COL4A1: variants seen among roughly 807,000 people sequenced by gnomAD.
COL4A1 encodes collagen alpha-1(IV) chain.
A neutral mutation model predicts 216.6 loss-of-function variants in COL4A1; 40 were observed. The ratio of observed to expected loss-of-function variants is 0.18; its 90% CI spans 0.14 to 0.24. The LOEUF is 0.24. Among genes scored for constraint, COL4A1 ranks in the 10% least tolerant of loss-of-function variants. The pLI, the probability that COL4A1 is intolerant of heterozygous loss-of-function variation, is 1.00. For missense variants in COL4A1, 1,628 were observed against 2,196.8 expected (o/e 0.74, Z 5.18); for synonymous variants, 839 against 810.7 (o/e 1.03, Z -0.59).
chr13:110,270,438 G>A (rs1391045276), intron 1 of COL4A1, among the ~76,000 whole-genome samples: 2 of 152,208 alleles, frequency 1.3e-5, no homozygotes, highest in Non-Finnish European at 1.5e-5. Flanking sequence ...ATGCAAATGG[G>A]TAAGAAAAGG....
At position 110,162,293 on chromosome 13, in the gene COL4A1, G is replaced by C. The variant is rs11545878; in HGVS notation, c.4399C>G (p.Leu1467Val). 1.5e-5 allele frequency: 24 copies of C among 1,614,120 alleles called. No individual in the cohort carries two copies. The highest frequency in any genetic ancestry group is 1.9e-5 in the Non-Finnish European group (23 of 1,180,044). The change falls in exon 48 of 52, where the codon CTT becomes GTT. Residue 1467 changes from leucine (L) to valine (V), a missense_variant. Coordinates refer to ENST00000375820, the MANE Select transcript of COL4A1 (RefSeq NM_001845.6). ...DPQCPSGTKILYHGYSLLYVQ... is the reference protein window; with the variant it reads ...DPQCPSGTKIVYHGYSLLYVQ... ...TAGAGCAAAGAGTACCCGTGGTAAAGAATTTTGGTCCCAGAAGGACACTGT... is the reference window on the plus strand; with the variant it reads ...TAGAGCAAAGAGTACCCGTGGTAAACAATTTTGGTCCCAGAAGGACACTGT...
chr13:110,260,968 T>G (rs1193127), intron 1 of COL4A1, among the ~76,000 whole-genome samples: 50 of 149,582 alleles, frequency 3.3e-4, no homozygotes, highest in African/African-American at 1.2e-3. Context: ...ACCCGAGAAG[T>G]GGAGCTTGCA....
intron 2 of COL4A1, among the ~76,000 whole-genome samples, chr13:110,219,690 G>GTATATATATGTATATATATGTA (rs770674866): frequency 0.025 from 3,434 of 134,980 alleles, 94 homozygotes; most frequent in East Asian, 0.058. Context: ...GTATATATAT[G>GTATATATATGTATATATATGTA]TATATATATG....
chr13:110,263,708 C>T (rs906880845), intron 1 of COL4A1, among the ~76,000 whole-genome samples: 1 of 152,136 alleles, frequency 6.6e-6, no homozygotes, highest in African/African-American at 2.4e-5. Context: ...TGGATAGTAA[C>T]AGTTCACCAA....
In COL4A1 at chr13:110,169,650, G is replaced by A. The variant is rs1877515041; in HGVS notation, c.3855C>T (p.Asp1285=). 1.9e-6 allele frequency: 3 copies of A among 1,613,928 alleles called. No individual in the cohort carries two copies. The highest frequency in any genetic ancestry group is 1.3e-5 in the African/African-American group (1 of 74,892). The change falls in exon 43 of 52, where the codon GAC becomes GAT. Residue 1285 remains aspartate (D), a synonymous_variant. Transcript: ENST00000375820. ...GAPGVPGPKG[D]PGFQGMPGIG... ...TCACAGGCATGCCCTGGAATCCAGG[G>A]TCTCCCTTGGGCCCTGGGACACCGG...
chr13:110,301,700 C>T (rs756750533), intron 1 of COL4A1, among the ~76,000 whole-genome samples: 6 of 152,172 alleles, frequency 3.9e-5, no homozygotes, highest in Admixed American at 1.3e-4. Context: ...GCGTGCTAGC[C>T]GAGGGAAGAC....
chr13:110,204,810 C>T (rs902626563), intron 17 of COL4A1, among the ~76,000 whole-genome samples: 3 of 152,082 alleles, frequency 2.0e-5, no homozygotes, highest in African/African-American at 7.2e-5. Flanking sequence ...AATGACCAGA[C>T]AAGTGAGCAA....
Position 110,154,167 on chromosome 13 carries a change from A to G in COL4A1, c.4755+1116T>C, listed in dbSNP as rs533595394. Among the ~76,000 whole-genome samples, 5 of 152,358 alleles carry G rather than the reference A, an allele frequency of 3.3e-5. No homozygotes were observed. The South Asian group carries it at 8.3e-4, about 25-fold the overall frequency. ...TGTGAAGATGGGACTAGGACTTCCA[A>G]TGATGGTGCAGATGTATGTGTAGGG... On this transcript the variant is annotated intron_variant, in intron 50 of 51. Transcript: ENST00000375820.
chr13:110,273,279 A>G (rs2139291914), intron 1 of COL4A1, among the ~76,000 whole-genome samples: 1 of 152,322 alleles, frequency 6.6e-6, no homozygotes, highest in East Asian at 1.9e-4. Flanking sequence ...CGCGGGATGT[A>G]TATTTTGAAG....
At position 110,152,359 on chromosome 13, in the gene COL4A1, T is replaced by C. The variant is rs1876540287; in HGVS notation, c.4903A>G (p.Thr1635Ala). Residue 1635 changes from threonine to alanine, a missense_variant, in exon 51 of 52, where the codon ACC (threonine) becomes GCC (alanine). By Grantham distance (58) the Thr-to-Ala change is moderately conservative. Around this residue, in one of 8 missense-constraint regions of COL4A1, gnomAD observed 254 missense variants for 300.1 expected, o/e 0.85. Transcript: ENST00000375820. ...YANAYSFWLA[T>A]IERSEMFKKP... is the part of the protein sequence containing the mutation. ...TTGAACATCTCGCTCCTCTCTATGG[T>C]GGCGAGCCAAAAGCTGTAAGCGTTT... 1.9e-6 allele frequency: 3 copies of C among 1,614,038 alleles called. No individual in the cohort carries two copies. Among genetic ancestry groups the C allele is most frequent in the African/African-American group, 1.3e-5 (1 of 74,936 alleles).
chr13:110,180,449 G>C (rs189059309), intron 29 of COL4A1, among the ~76,000 whole-genome samples: 114 of 152,290 alleles, frequency 7.5e-4, no homozygotes, highest in African/African-American at 2.7e-3. Context: ...CCAGAGGCAC[G>C]GCCCCTGTGG....
intron 4 of COL4A1, among the ~76,000 whole-genome samples, chr13:110,213,269 A>T (rs556608921): frequency 5.9e-4 from 28 of 47,676 alleles, no homozygotes; most frequent in African/African-American, 1.5e-3. Flanking sequence ...AAATTGAAAT[A>T]AAAAAAAACA....
Position 110,232,067 on chromosome 13 carries a change from T to C in COL4A1, c.144+10608A>G, listed in dbSNP as rs981311314. Among the ~76,000 whole-genome samples, 4 of 152,362 alleles carry C rather than the reference T, an allele frequency of 2.6e-5. 1 individual carries two copies. Among genetic ancestry groups the C allele is most frequent in the Admixed American group, 6.5e-5 (1 of 15,308 alleles). ...CCCTTCTGATTTCACTACAGCTTTT[T>C]AGAAATTAGCCAGGAATCACTGTTA... is the stretch of plus-strand genomic sequence containing the variant. On this transcript the variant is annotated intron_variant, in intron 2 of 51. Transcript: ENST00000375820.
intron 1 of COL4A1, among the ~76,000 whole-genome samples, chr13:110,301,758 G>A (rs1040922039): frequency 1.3e-5 from 2 of 152,214 alleles, no homozygotes; most frequent in Admixed American, 1.3e-4. Context: ...AACAGCTTCT[G>A]TGGAATGCAG....
rs779139113 is a variant in COL4A1, at chr13:110,150,403, G to T, written c.4970C>A (p.Thr1657Lys). 1 of 1,614,002 alleles carries T rather than the reference G, an allele frequency of 6.2e-7. No homozygotes were observed. Among genetic ancestry groups the T allele is most frequent in the South Asian group, 1.1e-5 (1 of 91,066 alleles). ...ACAGACTTGGCAGCGGCTGACGTGC[G>T]TGCGCAGCTCCCCTGCCTTCAAGGT... ...PSTLKAGELR[T>K]HVSRCQVCMR... The change falls in exon 52 of 52, where the codon ACG becomes AAG. Residue 1657 changes from threonine to lysine, a missense_variant. Thr to Lys is a moderately conservative substitution (Grantham distance 78). Coordinates refer to ENST00000375820, the MANE Select transcript of COL4A1 (RefSeq NM_001845.6).
intron 2 of COL4A1, among the ~76,000 whole-genome samples, chr13:110,217,220 C>G (rs1161692974): frequency 6.6e-6 from 1 of 152,208 alleles, no homozygotes; most frequent in South Asian, 2.1e-4. Flanking sequence ...GACCAGCATG[C>G]AGTATGGGGC....
At chr13:110,237,632 A>G (rs918744396) in intron 2 of COL4A1, among the ~76,000 whole-genome samples, 3 of 152,252 alleles carry the variant, frequency 2.0e-5, no homozygotes, top group Admixed American at 6.5e-5. Flanking sequence ...TGCATAAAAC[A>G]TACTCGGCCC....
At chr13:110,201,311 GA>G in intron 19 of COL4A1, 126 bp downstream of exon 19, 1 of 636,356 alleles carries the variant, frequency 1.6e-6, no homozygotes, top group East Asian at 2.9e-5. Flanking sequence ...CGGAGGAAGA[GA>G]AGGAGGGGGA....
At chr13:110,243,578 C>G (rs923544883) in intron 1 of COL4A1, among the ~76,000 whole-genome samples, 1 of 152,182 alleles carries the variant, frequency 6.6e-6, no homozygotes, top group South Asian at 2.1e-4. Context: ...CTCAGCCTCC[C>G]AAAGTGCTGG....
Sources: gnomAD v4.1 joint callset for allele counts (sites outside exome capture counted in the v4.1 genomes callset) on GRCh38, gnomAD v4.1.1 for gene constraint, gnomAD v4.1.1 regional missense constraint, MANE v1.5 for transcripts, NCBI Gene and HGNC (gene_info 2026-07-23, HGNC 2026-07-21) for gene names.